The following COMMD1 variants were observed in gnomAD, a reference collection of about 807,000 sequenced individuals.
COMMD1 encodes the protein COMM domain-containing protein 1.
In COMMD1, 10 loss-of-function variants were observed where a neutral mutation model predicts 17.2. That is an observed-to-expected ratio of 0.58 (90% CI 0.36 to 0.99). The LOEUF (loss-of-function observed/expected upper bound fraction) is 0.99. COMMD1 is among the 50% of genes least tolerant of loss of function. The pLI is 0.01. For synonymous variants in COMMD1, 97 were observed against 91.6 expected (o/e 1.06, Z -0.34); for missense variants, 270 against 231.8 (o/e 1.17, Z -1.07).
intron 2 of COMMD1, among the ~76,000 whole-genome samples, chr2:62,003,241 AAC>A (rs1553378094): frequency 2.0e-5 from 3 of 150,962 alleles, no homozygotes; most frequent in African/African-American, 7.3e-5. Flanking sequence ...AAAAAAAAAA[AAC>A]AAAACAAAAC....
chr2:61,931,579 A>G lies in COMMD1; in HGVS notation c.180+25721A>G, dbSNP rs189061823. ...TTTATGATCCTCCTCAGATTGGTCT[A>G]TTCTTCATTATCTCAGCCTTGTTTC... On this transcript the variant is annotated intron_variant, in intron 1 of 2. Coordinates refer to ENST00000311832, the MANE Select transcript of COMMD1 (RefSeq NM_152516.4). Among the ~76,000 whole-genome samples the G allele has an allele frequency of 2.6e-5, 4 of 152,348 alleles. No individual in the cohort carries two copies. In the East Asian group the frequency reaches 5.8e-4, roughly 22 times the overall value.
Position 62,000,837 on chromosome 2 carries a change from G to C in COMMD1, c.317G>C (p.Arg106Pro). 6.2e-7 allele frequency: 1 copy of C among 1,614,108 alleles called. No homozygotes were observed. Among genetic ancestry groups the C allele is most frequent in the Non-Finnish European group, 8.5e-7 (1 of 1,180,022 alleles). Residue 106 changes from arginine (R) to proline (P), a missense_variant, in exon 2 of 3, where the codon CGT becomes CCT. Arg to Pro is a moderately radical substitution (Grantham distance 103). Transcript: ENST00000311832. ...KFWKSHKTKI[R>P]ESLMNQSRWN... Reference sequence around the variant, plus strand: ...TGGAAGAGCCACAAGACAAAAATCCGTGAGAGCCTCATGAACCAGAGCCGC... The same window carrying C: ...TGGAAGAGCCACAAGACAAAAATCCCTGAGAGCCTCATGAACCAGAGCCGC...
At chr2:61,926,582 T>C (rs7583942) in intron 1 of COMMD1, among the ~76,000 whole-genome samples, 43,676 of 152,124 alleles carry the variant, frequency 0.29, 8,107 homozygotes, top group African/African-American at 0.53. Context: ...TATAATATCA[T>C]AACCCCATGT....
chr2:62,004,636 A>G (rs571031691), intron 2 of COMMD1, among the ~76,000 whole-genome samples: 2 of 152,324 alleles, frequency 1.3e-5, no homozygotes, highest in South Asian at 4.1e-4. Flanking sequence ...ATATGAAGTC[A>G]AGAAAAGTTG....
intron 1 of COMMD1, among the ~76,000 whole-genome samples, chr2:61,899,426 T>G (rs1321723829): frequency 6.6e-6 from 1 of 152,214 alleles, no homozygotes; most frequent in African/African-American, 2.4e-5. Flanking sequence ...AGCATTTAAG[T>G]GTTCCCACTT....
At chr2:62,013,192 C>T (rs918881687) in intron 2 of COMMD1, among the ~76,000 whole-genome samples, 3 of 151,336 alleles carry the variant, frequency 2.0e-5, no homozygotes, top group Non-Finnish European at 4.4e-5. Flanking sequence ...CTTTTCTGCA[C>T]ATTAAAAGCA....
intron 1 of COMMD1, among the ~76,000 whole-genome samples, chr2:61,951,182 G>A (rs1347765514): frequency 1.3e-5 from 2 of 152,068 alleles, no homozygotes; most frequent in Admixed American, 1.3e-4. Flanking sequence ...GTCTTTCTGC[G>A]GCTGGGCACA....
intron 1 of COMMD1, among the ~76,000 whole-genome samples, chr2:61,972,207 T>C (rs1193899685): frequency 6.6e-6 from 1 of 152,174 alleles, no homozygotes; most frequent in Non-Finnish European, 1.5e-5. Flanking sequence ...ATTATCTAAG[T>C]AGAAAATTCT....
At chr2:62,057,030 C>T (rs1249903662) in intron 2 of COMMD1, among the ~76,000 whole-genome samples, 1 of 152,164 alleles carries the variant, frequency 6.6e-6, no homozygotes, top group Non-Finnish European at 1.5e-5. Flanking sequence ...ACAGAGTAGA[C>T]TGGACATAAG....
chr2:61,928,495 A>G (rs932570747), intron 1 of COMMD1: 44 of 152,294 alleles, frequency 2.9e-4, no homozygotes, highest in African/African-American at 1.0e-3. Context: ...TCAGTATCCT[A>G]AAGAGCTAAG....
At chr2:61,983,070 A>G (rs1029663068) in intron 1 of COMMD1, among the ~76,000 whole-genome samples, 2 of 152,012 alleles carry the variant, frequency 1.3e-5, no homozygotes, top group Non-Finnish European at 2.9e-5. Context: ...CACCTCCTCA[A>G]TTTTTTGGAA....
At chr2:62,039,621 C>T (rs1025359968) in intron 2 of COMMD1, among the ~76,000 whole-genome samples, 2 of 151,992 alleles carry the variant, frequency 1.3e-5, no homozygotes, top group African/African-American at 2.4e-5. Context: ...GTTTCTGGTA[C>T]GTAGTTATGG....
intron 2 of COMMD1, among the ~76,000 whole-genome samples, chr2:62,002,380 A>G (rs1668970840): frequency 6.9e-6 from 1 of 145,502 alleles, no homozygotes; most frequent in South Asian, 2.2e-4. Context: ...AATCCCAGCT[A>G]CTTGGGAGGC....
chr2:61,994,877 G>A (rs928835224), intron 1 of COMMD1, among the ~76,000 whole-genome samples: 16 of 152,058 alleles, frequency 1.1e-4, no homozygotes, highest in South Asian at 4.1e-4. Context: ...CAGTCAGTGC[G>A]CCCAGAGAAA....
intron 2 of COMMD1, among the ~76,000 whole-genome samples, chr2:62,019,941 T>A (rs7585158): frequency 0.046 from 6,931 of 152,306 alleles, 533 homozygotes; most frequent in African/African-American, 0.16. Flanking sequence ...TACAATACAC[T>A]CTTCAGCCAC....
intron 1 of COMMD1, among the ~76,000 whole-genome samples, chr2:61,891,544 A>G (rs1669429581): frequency 6.6e-6 from 1 of 152,028 alleles, no homozygotes; most frequent in African/African-American, 2.4e-5. Flanking sequence ...CCTGGCCAAG[A>G]TGGTGAAATC....
rs529651344 is a variant in COMMD1 at position 61,915,285 on chromosome 2, C to T, written c.180+9427C>T. Among the ~76,000 whole-genome samples, 161 of 152,168 alleles carry T rather than the reference C, an allele frequency of 1.1e-3. 1 individual carries two copies. Among genetic ancestry groups the T allele is most frequent in the Non-Finnish European group, 1.7e-3 (119 of 68,012 alleles). ...CCCCACTAAGTGCTAGGATTACATGCGTGAGCCACTGCACCCAGCCCGGAT... is the reference window on the plus strand; with the variant it reads ...CCCCACTAAGTGCTAGGATTACATGTGTGAGCCACTGCACCCAGCCCGGAT... On this transcript the variant is annotated intron_variant, in intron 1 of 2. Coordinates refer to ENST00000311832, the MANE Select transcript of COMMD1 (RefSeq NM_152516.4).
At chr2:61,962,469 A>T (rs1671376306) in intron 1 of COMMD1, among the ~76,000 whole-genome samples, 1 of 152,094 alleles carries the variant, frequency 6.6e-6, no homozygotes. Context: ...CAGGATGGGG[A>T]TTGGTAACTC....
At chr2:61,953,850 G>T (rs893551793) in intron 1 of COMMD1, among the ~76,000 whole-genome samples, 10 of 152,110 alleles carry the variant, frequency 6.6e-5, no homozygotes, top group Admixed American at 5.9e-4. Flanking sequence ...ATTTTTGTGG[G>T]TTACGTAGTA....
Sources: gnomAD v4.1 joint callset for allele counts (sites outside exome capture counted in the v4.1 genomes callset) on GRCh38, gnomAD v4.1.1 for gene constraint, MANE v1.5 for transcripts, NCBI Gene and HGNC (gene_info 2026-07-23, HGNC 2026-07-21) for gene names.